Variants in CCDC7 observed in about 807,000 individuals in gnomAD.
CCDC7 encodes coiled-coil domain-containing protein 7.
CCDC7 carries 183 observed loss-of-function variants against 196.9 expected under a neutral mutation model. That is an observed-to-expected ratio of 0.93 (90% confidence interval 0.82 to 1.05). The LOEUF (loss-of-function observed/expected upper bound fraction) is 1.05. CCDC7 is among the 50% of genes least tolerant of loss of function. The pLI, the probability that CCDC7 is intolerant of heterozygous loss-of-function variation, is 0.00. For synonymous variants in CCDC7, 525 were observed against 484.6 expected (o/e 1.08, Z -1.10); for missense variants, 1,540 against 1,482.2 (o/e 1.04, Z -0.64).
chr10:32,553,133 A>G (rs1173197052), intron 13 of CCDC7, among the ~76,000 whole-genome samples: 2 of 96,310 alleles, frequency 2.1e-5, no homozygotes, highest in Admixed American at 1.0e-4. Flanking sequence ...CTTTTTTTTT[A>G]TCTTTGTTGA....
intron 16 of CCDC7, chr10:32,574,507 C>A: frequency 6.5e-7 from 1 of 1,535,148 alleles, no homozygotes; most frequent in African/African-American, 1.4e-5. Context: ...GTAAGGAGAC[C>A]CCACCTGAGC....
chr10:32,642,743 G>T (rs117897593), intron 20 of CCDC7, among the ~76,000 whole-genome samples: 1 of 152,138 alleles, frequency 6.6e-6, no homozygotes, highest in African/African-American at 2.4e-5. Flanking sequence ...CGTCTTCTGC[G>T]TCACTCACAC....
chr10:32,478,063 T>C (rs976597894), intron 8 of CCDC7, among the ~76,000 whole-genome samples: 5 of 152,216 alleles, frequency 3.3e-5, no homozygotes, highest in Non-Finnish European at 5.9e-5. Context: ...TATTTTCTTT[T>C]AGATTTACAC....
intron 16 of CCDC7, among the ~76,000 whole-genome samples, chr10:32,575,749 G>C (rs1028373988): frequency 6.6e-6 from 1 of 152,090 alleles, no homozygotes; most frequent in Admixed American, 6.6e-5. Flanking sequence ...GAATCACCGG[G>C]ACCATCCGTA....
At chr10:32,554,255 G>A (rs922139368) in intron 13 of CCDC7, among the ~76,000 whole-genome samples, 1 of 152,220 alleles carries the variant, frequency 6.6e-6, no homozygotes, top group Admixed American at 6.5e-5. Flanking sequence ...TCACAGCTGC[G>A]AAAGAAAAGG....
At chr10:32,759,411 A>C (rs1463362568) in intron 28 of CCDC7, among the ~76,000 whole-genome samples, 1 of 152,206 alleles carries the variant, frequency 6.6e-6, no homozygotes, top group Non-Finnish European at 1.5e-5. Context: ...GACCAATGGA[A>C]TAGAATAGAG....
intron 20 of CCDC7, among the ~76,000 whole-genome samples, chr10:32,649,142 C>T (rs548486530): frequency 3.3e-5 from 5 of 152,246 alleles, no homozygotes; most frequent in Admixed American, 2.0e-4. Context: ...GATCAACACA[C>T]ACTGGGCACC....
At chr10:32,589,676 G>T (rs1206472494) in intron 18 of CCDC7, among the ~76,000 whole-genome samples, 1 of 152,074 alleles carries the variant, frequency 6.6e-6, no homozygotes, top group African/African-American at 2.4e-5. Flanking sequence ...TACTGTATTT[G>T]GGTCTATGTC....
chr10:32,570,798 A>G (rs182609567), intron 15 of CCDC7, among the ~76,000 whole-genome samples: 1 of 152,314 alleles, frequency 6.6e-6, no homozygotes, highest in Admixed American at 6.5e-5. Context: ...TCTAAGAAGA[A>G]GAGAAAATTA....
chr10:32,488,319 C>G (rs941610530), intron 8 of CCDC7, among the ~76,000 whole-genome samples: 6 of 152,212 alleles, frequency 3.9e-5, no homozygotes, highest in African/African-American at 1.2e-4. Context: ...GTGCTGTTTG[C>G]TAAGACCATT....
At chr10:32,754,810 AG>A (rs2133593110) in intron 28 of CCDC7, among the ~76,000 whole-genome samples, 1 of 152,276 alleles carries the variant, frequency 6.6e-6, no homozygotes, top group Non-Finnish European at 1.5e-5. Flanking sequence ...GAGCTGAAGC[AG>A]GGCGGGGCAC....
In CCDC7 at chr10:32,636,474, C is replaced by T. The variant is rs539207737; in HGVS notation, c.2014+1316C>T. Among the ~76,000 whole-genome samples the T allele has an allele frequency of 6.6e-5, 10 of 152,098 alleles. No homozygotes were observed. The East Asian group carries it at 9.7e-4, about 15-fold the overall frequency. On this transcript the variant is annotated intron_variant, in intron 20 of 41. Transcript: ENST00000639629. ...ATTCCCACCTATGAGTGAGAACATGCGGTGTTTGGTTTTTTGTCCTTGCGA... is the reference window on the plus strand; with the variant it reads ...ATTCCCACCTATGAGTGAGAACATGTGGTGTTTGGTTTTTTGTCCTTGCGA...
intron 25 of CCDC7, among the ~76,000 whole-genome samples, chr10:32,713,026 G>C (rs899526594): frequency 7.2e-5 from 11 of 152,172 alleles, no homozygotes; most frequent in African/African-American, 2.7e-4. Flanking sequence ...TAGTTTGGTA[G>C]GTCATGATCT....
intron 31 of CCDC7, among the ~76,000 whole-genome samples, chr10:32,815,657 T>A (rs558063848): frequency 6.6e-6 from 1 of 152,282 alleles, no homozygotes; most frequent in South Asian, 2.1e-4. Flanking sequence ...TTCTATTAAA[T>A]CTAAGTAGAA....
upstream of CCDC7, among the ~76,000 whole-genome samples, chr10:32,448,579 A>C (rs1312252897): frequency 1.3e-5 from 2 of 152,048 alleles, no homozygotes; most frequent in Non-Finnish European, 2.9e-5. Context: ...ATTCTCTAAA[A>C]TAGTATGTTA....
intron 20 of CCDC7, among the ~76,000 whole-genome samples, chr10:32,663,028 A>G (rs1391268007): frequency 6.6e-6 from 1 of 152,164 alleles, no homozygotes; most frequent in Non-Finnish European, 1.5e-5. Flanking sequence ...AGCTAAGAAA[A>G]GAGAGGTTCT....
exon 31 of CCDC7, chr10:32,814,410 T>C (rs758416766): frequency 6.2e-7 from 1 of 1,612,426 alleles, no homozygotes; most frequent in Non-Finnish European, 8.5e-7. Context: ...TTGGAAGAGA[T>C]ATACTAAAGG....
intron 21 of CCDC7, among the ~76,000 whole-genome samples, chr10:32,665,251 A>G (rs187617491): frequency 8.8e-4 from 134 of 152,162 alleles, no homozygotes; most frequent in Non-Finnish European, 1.6e-3. Flanking sequence ...ACTTTCTCTC[A>G]TGCAATAGGC....
chr10:32,633,696 ATG>A lies in CCDC7; in HGVS notation c.1802-524_1802-523del, dbSNP rs1554928040. 2.9e-3 allele frequency among the ~76,000 whole-genome samples: 390 copies of A among 135,188 alleles called. 2 individuals are homozygous for A. Among genetic ancestry groups the A allele is most frequent in the African/African-American group, 9.5e-3 (340 of 35,838 alleles). The allele number at this position is 135,188 out of a possible 152,430, so 88.7% of individuals were successfully genotyped here. A position where few individuals can be genotyped will look rare whatever the true frequency, so the allele number is the denominator to read the frequency against. On this transcript the variant is annotated intron_variant, in intron 18 of 41. Transcript: ENST00000639629. ...TTTAGCTTTGTGTATATATATATAT[ATG>A]TGTGTGTGTGTGTGTGTGTGTGTGT...
Sources: allele counts gnomAD v4.1 joint callset (sites outside exome capture counted in the v4.1 genomes callset), GRCh38; gene constraint gnomAD v4.1.1; transcripts MANE v1.5; gene names NCBI Gene and HGNC (gene_info 2026-07-23, HGNC 2026-07-21).